CNTRL: variants seen among roughly 807,000 people sequenced by gnomAD.
CNTRL encodes centriolin.
A neutral mutation model predicts 303.7 loss-of-function variants in CNTRL; 233 were observed. That is an observed-to-expected ratio of 0.77 (90% CI 0.69 to 0.86). CNTRL has a LOEUF of 0.86. Ranked by LOEUF, CNTRL falls within the 40% of genes least tolerant of loss-of-function variation. The pLI is 0.00. For missense variants in CNTRL, 2,524 were observed against 2,650.6 expected, an observed-to-expected ratio of 0.95 and a Z score of 1.05; for synonymous variants, 900 against 922.2, an observed-to-expected ratio of 0.98 and a Z score of 0.44.
intron 35 of CNTRL, 142 bp downstream of exon 35, chr9:121,165,242 G>A: frequency 1.4e-6 from 1 of 738,790 alleles, no homozygotes; most frequent in South Asian, 2.4e-5. Context: ...TGCACAACTT[G>A]GAATATACTA....
intron 27 of CNTRL, 132 bp downstream of exon 27, chr9:121,155,045 G>A: frequency 1.3e-6 from 1 of 763,304 alleles, no homozygotes; most frequent in Non-Finnish European, 2.3e-6. Flanking sequence ...GTTCCAGGCT[G>A]GACTCTGCTA....
At chr9:121,121,959 A>C in intron 12 of CNTRL, 1 of 982,320 alleles carries the variant, frequency 1.0e-6, no homozygotes, top group Non-Finnish European at 1.2e-6. Context: ...AAGGTATGAT[A>C]TTTTTTCTCT....
chr9:121,083,902 G>A (rs148039334), intron 2 of CNTRL, among the ~76,000 whole-genome samples: 8 of 152,242 alleles, frequency 5.3e-5, no homozygotes, highest in Middle Eastern at 3.4e-3. Flanking sequence ...GTGGTCCGTT[G>A]TTGACCAAAA....
At position 121,135,891 on chromosome 9, in the gene CNTRL, A is replaced by G. The variant is rs373273898; in HGVS notation, c.2111A>G (p.Tyr704Cys). 38 of 1,613,972 alleles carry G rather than the reference A, an allele frequency of 2.4e-5. No individual in the cohort carries two copies. Among genetic ancestry groups the G allele is most frequent in the East Asian group, 1.8e-4 (8 of 44,892 alleles). Residue 704 changes from tyrosine (Y) to cysteine (C), a missense_variant, in exon 15 of 44, where the codon TAT (tyrosine) becomes TGT (cysteine). Coordinates refer to ENST00000373855, the MANE Select transcript of CNTRL (RefSeq NM_007018.6). ...LQQTQGDLSAYEAELEARLNL... is the reference protein window; with the variant it reads ...LQQTQGDLSACEAELEARLNL... ...CAGACCCAGGGAGATCTCAGTGCCTATGAAGCTGAGCTAGAGGCTCGGCTA... is the reference window on the plus strand; with the variant it reads ...CAGACCCAGGGAGATCTCAGTGCCTGTGAAGCTGAGCTAGAGGCTCGGCTA...
intron 7 of CNTRL, among the ~76,000 whole-genome samples, chr9:121,101,123 A>T (rs1337988090): frequency 3.3e-5 from 5 of 152,228 alleles, no homozygotes; most frequent in Admixed American, 2.6e-4. Context: ...CATTGCACTT[A>T]TTCCAAAATT....
Position 121,113,518 on chromosome 9 carries a change from A to G in CNTRL, c.1139A>G (p.Lys380Arg). 2 of 1,575,832 alleles carry G rather than the reference A, an allele frequency of 1.3e-6. No individual in the cohort carries two copies. Among genetic ancestry groups the G allele is most frequent in the Non-Finnish European group, 1.7e-6 (2 of 1,167,674 alleles). Residue 380 changes from lysine (K) to arginine (R), a missense_variant, in exon 10 of 44, where the codon AAA (lysine) becomes AGA (arginine). Transcript: ENST00000373855. ...YYPSEYAEID[K>R]APDESPYIGK... ...TGCTTTTAGTATGCTGAAATTGATA[A>G]AGCCCCAGATGAAAGCCCTTACATT...
Position 121,157,856 on chromosome 9 carries a change from A to G in CNTRL, c.4613A>G (p.Lys1538Arg), listed in dbSNP as rs2052654408. Residue 1538 changes from lysine (K) to arginine (R), a missense_variant, in exon 29 of 44, where the codon AAG becomes AGG. Lys to Arg is a conservative substitution (Grantham distance 26). Coordinates refer to ENST00000373855, the MANE Select transcript of CNTRL (RefSeq NM_007018.6). ...AKDSDFQCLSKKKEKLTEELQ... is the reference protein window; with the variant it reads ...AKDSDFQCLSRKKEKLTEELQ... ...GACTCAGACTTCCAATGTTTAAGCA[A>G]GAAGAAGGAAAAACTGACAGAAGAG... The G allele has an allele frequency of 6.2e-7, 1 of 1,613,996 alleles. No individual in the cohort carries two copies. Among genetic ancestry groups the G allele is most frequent in the Admixed American group, 1.7e-5 (1 of 59,984 alleles).
intron 12 of CNTRL, 49 bp downstream of exon 12, chr9:121,118,589 C>A: frequency 1.4e-6 from 2 of 1,403,244 alleles, no homozygotes; most frequent in South Asian, 1.6e-5. Flanking sequence ...TATTACATGT[C>A]TCATCATTGT....
intron 7 of CNTRL, among the ~76,000 whole-genome samples, chr9:121,105,138 T>C (rs1353163636): frequency 5.3e-5 from 8 of 152,212 alleles, no homozygotes; most frequent in African/African-American, 1.9e-4. Flanking sequence ...CTGGAGTCTA[T>C]GCCATACCAT....
chr9:121,147,110 C>G (rs1469079301), intron 23 of CNTRL, among the ~76,000 whole-genome samples: 1 of 152,184 alleles, frequency 6.6e-6, no homozygotes, highest in African/African-American at 2.4e-5. Context: ...TCAAGCGATT[C>G]TCCGGTTTCT....
At position 121,152,509 on chromosome 9, in the gene CNTRL, G is replaced by A; in HGVS notation, c.3988G>A (p.Asp1330Asn). The change falls in exon 26 of 44, where the codon GAC (aspartate) becomes AAC (asparagine). Residue 1330 changes from aspartate to asparagine, a missense_variant. Physicochemically the swap from Asp to Asn is conservative, Grantham distance 23 (BLOSUM62 1). Transcript: ENST00000373855. The part of the protein sequence containing the change: ...NLENEVSRLE[D>N]IMQHLKSKKR... ...GGAGAATGAAGTTTCTAGATTAGAA[G>A]ACATAATGCAGCATTTAAAATCAAA... The A allele has an allele frequency of 1.2e-6, 2 of 1,613,996 alleles. No individual in the cohort carries two copies. Among genetic ancestry groups the A allele is most frequent in the Middle Eastern group, 3.3e-4 (2 of 6,062 alleles).
At chr9:121,175,264 A>G in intron 43 of CNTRL, 40 bp downstream of exon 43, 1 of 1,588,472 alleles carries the variant, frequency 6.3e-7, no homozygotes, top group Non-Finnish European at 8.6e-7. Flanking sequence ...CAATAGCCTG[A>G]GGTTGTTTTT....
intron 7 of CNTRL, among the ~76,000 whole-genome samples, chr9:121,106,490 A>T (rs1042368174): frequency 6.6e-6 from 1 of 152,154 alleles, no homozygotes; most frequent in Non-Finnish European, 1.5e-5. Flanking sequence ...AGGAGCAAAG[A>T]TATGTGCAGG....
chr9:121,146,043 T>G, intron 22 of CNTRL, 65 bp from the exon 23 acceptor site: 1 of 1,412,034 alleles, frequency 7.1e-7, no homozygotes, highest in South Asian at 1.4e-5. Context: ...TAGAATCTCT[T>G]TTATATTTTG....
In CNTRL at chr9:121,123,930, G is replaced by T. The variant is rs79023218; in HGVS notation, c.1651-1G>T. 2 of 1,565,700 alleles carry T rather than the reference G, an allele frequency of 1.3e-6. No homozygotes were observed. Among genetic ancestry groups the T allele is most frequent in the African/African-American group, 1.4e-5 (1 of 71,944 alleles). On this transcript the variant is annotated splice_acceptor_variant, in intron 12 of 43. Coordinates refer to ENST00000373855, the MANE Select transcript of CNTRL (RefSeq NM_007018.6). LOFTEE classifies it high-confidence loss of function. ...TTTGTTGATTTTTTTTTTTAATTCA[G>T]TCCCATATGAAGGCTCAAAAGAGCG...
chr9:121,163,329 AT>A (rs199705531), intron 34 of CNTRL, among the ~76,000 whole-genome samples: 10,572 of 133,742 alleles, frequency 0.079, 665 homozygotes, highest in East Asian at 0.2. Context: ...CAAAAAAAAA[AT>A]ATATATATAT....
At chr9:121,101,950 A>G (rs1163876837) in intron 7 of CNTRL, among the ~76,000 whole-genome samples, 1 of 152,242 alleles carries the variant, frequency 6.6e-6, no homozygotes, top group Non-Finnish European at 1.5e-5. Flanking sequence ...AGACGGAGTC[A>G]CAGCTGAATT....
intron 27 of CNTRL, 114 bp downstream of exon 27, chr9:121,155,027 A>G (rs1434488889): frequency 3.7e-5 from 34 of 929,968 alleles, no homozygotes; most frequent in Non-Finnish European, 5.3e-5. Context: ...TCCAAGTCAG[A>G]CAGCCAGGTT....
At chr9:121,134,531 G>A (rs1052905997) in intron 14 of CNTRL, among the ~76,000 whole-genome samples, 2 of 152,062 alleles carry the variant, frequency 1.3e-5, no homozygotes, top group Non-Finnish European at 2.9e-5. Context: ...TCCTGACTTC[G>A]TGATCCACCC....
Sources: gnomAD v4.1 joint callset for allele counts (sites outside exome capture counted in the v4.1 genomes callset) on GRCh38, gnomAD v4.1.1 for gene constraint, MANE v1.5 for transcripts, NCBI Gene and HGNC (gene_info 2026-07-23, HGNC 2026-07-21) for gene names.